The following ERLIN2 variants were observed in gnomAD, a reference collection of about 807,000 sequenced individuals.
ERLIN2 encodes ER lipid raft associated 2.
In ERLIN2, 22 loss-of-function variants were observed where a neutral mutation model predicts 41.5. The observed-to-expected ratio is 0.53, with a 90% confidence interval of 0.38 to 0.76. The LOEUF (loss-of-function observed/expected upper bound fraction) is 0.76. ERLIN2 is among the 30% of genes least tolerant of loss of function. The pLI is 0.00. For missense variants in ERLIN2, 247 were observed against 414.3 expected, an observed-to-expected ratio of 0.60 and a Z score of 3.51; for synonymous variants, 149 against 150.9, an observed-to-expected ratio of 0.99 and a Z score of 0.09.
chr8:37,737,038 C>G, intron 1 of ERLIN2: 1 of 970,340 alleles, frequency 1.0e-6, no homozygotes, highest in Non-Finnish European at 1.2e-6. Flanking sequence ...ATGTCCGCGC[C>G]CCGGTTACGT....
Position 37,751,721 on chromosome 8 carries a change from C to G in ERLIN2, c.739+6C>G. 6.2e-7 allele frequency: 1 copy of G among 1,609,786 alleles called. No homozygotes were observed. The highest frequency in any genetic ancestry group is 1.1e-5 in the South Asian group (1 of 90,972). On this transcript the variant is annotated splice_donor_region_variant and intron_variant, in intron 10 of 11. Coordinates refer to ENST00000519638, the MANE Select transcript of ERLIN2 (RefSeq NM_007175.8). ...GAAGATTTCAGAAATTGAAGGTAAG[C>G]AGAAGTGGCAGTCATGCCTGAGTCC...
chr8:37,746,561 T>C, intron 6 of ERLIN2: 1 of 954,202 alleles, frequency 1.0e-6, no homozygotes, highest in Non-Finnish European at 1.2e-6. Flanking sequence ...TCATTTTGTT[T>C]ATCTCACTAT....
Position 37,741,747 on chromosome 8 carries a change from C to T in ERLIN2, c.190-25C>T, listed in dbSNP as rs1461701196. On this transcript the variant is annotated intron_variant, in intron 3 of 11. Transcript: ENST00000519638. The surrounding 1 kb of genome is among the most constrained non-coding windows in gnomAD (Gnocchi z 4.8). ...TACTTTGTCACTGCCCATCTTCTAG[C>T]ACTTTATGTTTCCTCTGTTTCCAGA... The T allele has an allele frequency of 2.5e-6, 4 of 1,597,954 alleles. No homozygotes were observed. Among genetic ancestry groups the T allele is most frequent in the Admixed American group, 1.7e-5 (1 of 59,998 alleles).
chr8:37,750,025 C>T lies in ERLIN2; in HGVS notation c.557+173C>T, dbSNP rs140417283. ...AGGCGTGTCAGGGCCACCACTGGGGCTCCCTACCTGTGATTGAGAACCCCA... is the reference window on the plus strand; with the variant it reads ...AGGCGTGTCAGGGCCACCACTGGGGTTCCCTACCTGTGATTGAGAACCCCA... On this transcript the variant is annotated intron_variant, in intron 8 of 11. Transcript: ENST00000519638. 5.7e-4 allele frequency: 398 copies of T among 703,806 alleles called. 3 individuals are homozygous for T. In the East Asian group the frequency reaches 8.3e-3, roughly 15 times the overall value. The allele number at this position is 703,806 out of a possible 1,614,324, so 43.6% of individuals were successfully genotyped here. A position where few individuals can be genotyped will look rare whatever the true frequency, so the allele number is the denominator to read the frequency against.
intron 6 of ERLIN2, chr8:37,746,093 C>T: frequency 1.0e-6 from 1 of 993,682 alleles, no homozygotes; most frequent in Non-Finnish European, 1.2e-6. Context: ...AATATATTTG[C>T]TTTGAAACTT....
intron 6 of ERLIN2, chr8:37,745,853 A>C: frequency 1.5e-6 from 2 of 1,329,458 alleles, no homozygotes; most frequent in Non-Finnish European, 1.9e-6. Context: ...TTTCTTTTTA[A>C]CCTCAAACTA....
At chr8:37,752,761 G>C (rs1803251379) in intron 10 of ERLIN2, among the ~76,000 whole-genome samples, 1 of 152,242 alleles carries the variant, frequency 6.6e-6, no homozygotes, top group African/African-American at 2.4e-5. Context: ...TCTCAGAGCT[G>C]ATTAGGGAAG....
At chr8:37,742,814 A>C (rs1802897879) in intron 4 of ERLIN2, among the ~76,000 whole-genome samples, 1 of 152,262 alleles carries the variant, frequency 6.6e-6, no homozygotes, top group South Asian at 2.1e-4. Context: ...CTGAATTTAA[A>C]CAATGGAAAA....
chr8:37,746,676 T>G (rs1247164354), intron 6 of ERLIN2: 1 of 272,838 alleles, frequency 3.7e-6, no homozygotes, highest in Non-Finnish European at 5.6e-6. Context: ...TCAGACCCCA[T>G]TTTCATTCGG....
chr8:37,744,754 C>T (rs1384679339), intron 6 of ERLIN2, 58 bp downstream of exon 6: 14 of 1,598,154 alleles, frequency 8.8e-6, no homozygotes, highest in Non-Finnish European at 1.2e-5. Context: ...AACCCCGCGT[C>T]TCTCCACTGC....
chr8:37,753,974 C>T lies in ERLIN2; in HGVS notation c.879C>T (p.Ser293=), dbSNP rs146126533. 1.1e-4 allele frequency: 181 copies of T among 1,613,428 alleles called. No homozygotes were observed. Among genetic ancestry groups the T allele is most frequent in the Non-Finnish European group, 1.5e-4 (176 of 1,179,828 alleles). Residue 293 remains serine, a synonymous_variant, in exon 12 of 12, where the codon AGC becomes AGT. Transcript: ENST00000519638. The stretch of plus-strand genomic sequence containing the variant: ...AGTACAAGGCCATTGCTTCCAACAG[C>T]AAGATTTACTTTGGCAAAGACATTC... ...LMKYKAIASN[S]KIYFGKDIPN...
At chr8:37,738,110 G>T in intron 2 of ERLIN2, 81 bp downstream of exon 2, 1 of 1,510,726 alleles carries the variant, frequency 6.6e-7, no homozygotes, top group Non-Finnish European at 9.2e-7. Context: ...AGCAGATTCT[G>T]CTGAACATCT....
intron 2 of ERLIN2, among the ~76,000 whole-genome samples, chr8:37,739,836 C>G (rs1464436220): frequency 1.3e-5 from 2 of 151,258 alleles, no homozygotes; most frequent in African/African-American, 4.9e-5. Context: ...GACAGAGTCT[C>G]ACTTTGTTGC....
chr8:37,742,234 G>A (rs1012835825), intron 4 of ERLIN2, among the ~76,000 whole-genome samples: 7 of 151,760 alleles, frequency 4.6e-5, no homozygotes, highest in Non-Finnish European at 4.4e-5. Flanking sequence ...CCAGCTACTC[G>A]GGAGGCTGAG....
chr8:37,743,617 C>T (rs1802931842), intron 4 of ERLIN2, among the ~76,000 whole-genome samples: 1 of 152,186 alleles, frequency 6.6e-6, no homozygotes, highest in African/African-American at 2.4e-5. Context: ...CAGTCCATAA[C>T]ACAAACTGTT....
At chr8:37,746,919 C>G (rs1803070348) in intron 6 of ERLIN2, among the ~76,000 whole-genome samples, 1 of 152,136 alleles carries the variant, frequency 6.6e-6, no homozygotes, top group Non-Finnish European at 1.5e-5. Context: ...CTTGCTATAC[C>G]TAAATATAAT....
At chr8:37,753,344 G>A (rs889769591) in intron 10 of ERLIN2, 106 bp from the exon 11 acceptor site, 7 of 883,300 alleles carry the variant, frequency 7.9e-6, no homozygotes, top group Non-Finnish European at 1.3e-5. Context: ...GCAATCAGGG[G>A]CGAAGTTCCA....
chr8:37,746,070 G>A, intron 6 of ERLIN2: 1 of 995,290 alleles, frequency 1.0e-6, no homozygotes. Context: ...TGCTTGTATG[G>A]AGGAGCTGGG....
chr8:37,743,633 A>G (rs1802932704), intron 4 of ERLIN2, among the ~76,000 whole-genome samples: 1 of 152,206 alleles, frequency 6.6e-6, no homozygotes, highest in African/African-American at 2.4e-5. Context: ...CTGTTGGGGA[A>G]ATCTGAATAA....
Sources: allele counts gnomAD v4.1 joint callset (sites outside exome capture counted in the v4.1 genomes callset), GRCh38; gene constraint gnomAD v4.1.1; non-coding constraint Gnocchi (gnomAD v3.1); transcripts MANE v1.5; gene names NCBI Gene and HGNC (gene_info 2026-07-23, HGNC 2026-07-21).